PSD3: variants seen among roughly 807,000 people sequenced by gnomAD.
The protein encoded by PSD3 is pleckstrin and Sec7 domain containing 3.
Under a neutral mutation model 105.5 loss-of-function variants are expected in PSD3, and 49 were observed. The ratio of observed to expected loss-of-function variants is 0.46; its 90% CI spans 0.37 to 0.59. The LOEUF (loss-of-function observed/expected upper bound fraction) is 0.59. Among genes scored for constraint, PSD3 ranks in the 20% least tolerant of loss-of-function variants. PSD3 has a pLI of 0.00. For synonymous variants in PSD3, 557 were observed against 457.8 expected (o/e 1.22, Z -2.77); for missense variants, 1,561 against 1,263.8 (o/e 1.24, Z -3.57).
chr8:18,967,170 T>G (rs1586545759), intron 1 of PSD3, among the ~76,000 whole-genome samples: 1 of 151,758 alleles, frequency 6.6e-6, no homozygotes, highest in East Asian at 1.9e-4. Flanking sequence ...ATTTTTTTTT[T>G]TTGAGACGGA....
At position 18,655,657 on chromosome 8, in the gene PSD3, T is replaced by A. The variant is rs1808832712; in HGVS notation, c.2201A>T (p.Lys734Met). The change falls in exon 10 of 16, where the codon AAG becomes ATG. Residue 734 changes from lysine (K) to methionine (M), a missense_variant. Physicochemically the swap from Lys to Met is moderately conservative, Grantham distance 95 (BLOSUM62 -1). Coordinates refer to ENST00000327040, the MANE Select transcript of PSD3 (RefSeq NM_015310.4). Reference sequence around the variant, plus strand: ...GCACACTTACACTGCCCATTCAAGCTTCTCATTCTTGATTGAGTTGTACAG... The same window carrying A: ...GCACACTTACACTGCCCATTCAAGCATCTCATTCTTGATTGAGTTGTACAG... ...KALYNSIKNE[K>M]LEWAVDDEEK... 4 of 1,613,890 alleles carry A rather than the reference T, an allele frequency of 2.5e-6. No homozygotes were observed. The highest frequency in any genetic ancestry group is 3.3e-5 in the Admixed American group (2 of 60,004).
chr8:18,783,854 C>T (rs1488903771), intron 8 of PSD3, among the ~76,000 whole-genome samples: 1 of 152,160 alleles, frequency 6.6e-6, no homozygotes, highest in Admixed American at 6.5e-5. Context: ...AGGCTGGTCT[C>T]GAACTCCTGA....
intron 11 of PSD3, among the ~76,000 whole-genome samples, chr8:18,632,067 T>C (rs890870644): frequency 2.6e-5 from 4 of 151,986 alleles, no homozygotes; most frequent in African/African-American, 9.7e-5. Context: ...GCCATCCAAT[T>C]AGGCTCCTTC....
chr8:18,536,040 T>C (rs1196560850), intron 15 of PSD3, 82 bp from the exon 16 acceptor site: 1 of 1,330,808 alleles, frequency 7.5e-7, no homozygotes, highest in Non-Finnish European at 1.1e-6. Context: ...ATTACCCACC[T>C]GGAGAGTGTG....
chr8:18,721,843 T>A (rs1802995164), intron 9 of PSD3, among the ~76,000 whole-genome samples: 1 of 152,156 alleles, frequency 6.6e-6, no homozygotes, highest in Non-Finnish European at 1.5e-5. Flanking sequence ...ATGTTCAAAA[T>A]GTGTTGCATT....
chr8:19,049,803 A>G (rs539707457), intron 1 of PSD3, among the ~76,000 whole-genome samples: 1 of 151,824 alleles, frequency 6.6e-6, no homozygotes, highest in East Asian at 1.9e-4. Context: ...CTGAGCCTGC[A>G]TTGATTAGTG....
chr8:18,971,663 T>C (rs1248498041), intron 1 of PSD3, among the ~76,000 whole-genome samples: 4 of 152,122 alleles, frequency 2.6e-5, no homozygotes, highest in African/African-American at 4.8e-5. Context: ...AATTCTGCCA[T>C]GGAGGGATGT....
intron 8 of PSD3, among the ~76,000 whole-genome samples, chr8:18,792,390 G>A (rs1007812815): frequency 6.6e-6 from 1 of 152,158 alleles, no homozygotes; most frequent in Non-Finnish European, 1.5e-5. Context: ...CACAAAAAGA[G>A]AATGAGATCA....
intron 1 of PSD3, among the ~76,000 whole-genome samples, chr8:18,939,055 A>G (rs1822347960): frequency 6.6e-6 from 1 of 152,220 alleles, no homozygotes; most frequent in Non-Finnish European, 1.5e-5. Context: ...GGAATCCATT[A>G]CAGGGGTGCT....
chr8:18,884,034 G>A (rs1400327385), intron 2 of PSD3, among the ~76,000 whole-genome samples: 1 of 152,084 alleles, frequency 6.6e-6, no homozygotes, highest in Non-Finnish European at 1.5e-5. Context: ...ATAGAAGCAA[G>A]CTTAAAATCA....
intron 1 of PSD3, among the ~76,000 whole-genome samples, chr8:18,940,706 C>T (rs1264605033): frequency 6.6e-6 from 1 of 152,180 alleles, no homozygotes; most frequent in Non-Finnish European, 1.5e-5. Flanking sequence ...AGTAATGGCA[C>T]ATACTTACAG....
chr8:18,626,027 G>C (rs1806448463), intron 11 of PSD3, among the ~76,000 whole-genome samples: 1 of 151,992 alleles, frequency 6.6e-6, no homozygotes, highest in Non-Finnish European at 1.5e-5. Flanking sequence ...CAAAACCCAG[G>C]AGATGCGTTT....
intron 13 of PSD3, among the ~76,000 whole-genome samples, chr8:18,573,426 C>T (rs374369500): frequency 1.1e-4 from 16 of 152,106 alleles, no homozygotes; most frequent in Non-Finnish European, 2.4e-4. Context: ...GCAGAGATCA[C>T]GCCACCGCAC....
chr8:18,868,802 T>A (rs1247369621), intron 3 of PSD3, among the ~76,000 whole-genome samples: 1 of 152,128 alleles, frequency 6.6e-6, no homozygotes, highest in Non-Finnish European at 1.5e-5. Context: ...CTAAGTAAAA[T>A]TAAAAACTTG....
intron 6 of PSD3, among the ~76,000 whole-genome samples, chr8:18,803,632 T>G (rs932140855): frequency 2.0e-5 from 3 of 152,066 alleles, no homozygotes; most frequent in African/African-American, 7.2e-5. Context: ...TTCTGATATA[T>G]GCTACAAGAA....
At chr8:18,553,288 T>G (rs1029017035) in intron 15 of PSD3, among the ~76,000 whole-genome samples, 5 of 152,202 alleles carry the variant, frequency 3.3e-5, no homozygotes, top group African/African-American at 1.2e-4. Context: ...TGATCTTCCC[T>G]GGTGATTAAA....
chr8:18,599,353 C>T (rs1479255450), intron 12 of PSD3, among the ~76,000 whole-genome samples: 1 of 152,150 alleles, frequency 6.6e-6, no homozygotes, highest in Admixed American at 6.5e-5. Context: ...CTTCAAAAAA[C>T]TGAAAACAGA....
chr8:18,661,188 G>A (rs952294504), intron 9 of PSD3, among the ~76,000 whole-genome samples: 3 of 151,898 alleles, frequency 2.0e-5, no homozygotes. Context: ...TTTTCTCTGT[G>A]GTTCCTGAAT....
chr8:18,908,622 C>T (rs117662240), intron 2 of PSD3, among the ~76,000 whole-genome samples: 3 of 152,310 alleles, frequency 2.0e-5, no homozygotes, highest in African/African-American at 4.8e-5. Context: ...TATGAAAGCA[C>T]GTCTGTCTCT....
Sources: gnomAD v4.1 joint callset for allele counts (sites outside exome capture counted in the v4.1 genomes callset) on GRCh38, gnomAD v4.1.1 for gene constraint, MANE v1.5 for transcripts, NCBI Gene and HGNC (gene_info 2026-07-23, HGNC 2026-07-21) for gene names.